The following AOAH variants were observed in gnomAD, a reference collection of about 807,000 sequenced individuals.
AOAH encodes the protein acyloxyacyl hydrolase (neutrophil).
In AOAH, 64 loss-of-function variants were observed where a neutral mutation model predicts 92.2. The observed-to-expected ratio is 0.69, with a 90% CI of 0.57 to 0.86. AOAH has a LOEUF of 0.86. Ranked by LOEUF, AOAH falls within the 40% of genes least tolerant of loss-of-function variation. The pLI, the probability that AOAH is intolerant of heterozygous loss-of-function variation, is 0.00. For synonymous variants in AOAH, 263 were observed against 254.5 expected, an observed-to-expected ratio of 1.03 and a Z score of -0.32; for missense variants, 656 against 694.6, an observed-to-expected ratio of 0.94 and a Z score of 0.62.
At chr7:36,639,830 C>T (rs1345202365) in intron 4 of AOAH, among the ~76,000 whole-genome samples, 1 of 152,210 alleles carries the variant, frequency 6.6e-6, no homozygotes, top group Non-Finnish European at 1.5e-5. Context: ...CCAGAGCTTT[C>T]TCCCTGGCAA....
intron 16 of AOAH, among the ~76,000 whole-genome samples, chr7:36,537,578 G>C (rs1229847012): frequency 6.7e-6 from 1 of 148,472 alleles, no homozygotes; most frequent in Non-Finnish European, 1.5e-5. Context: ...GAGGGCAATG[G>C]TGTGATCTCA....
At chr7:36,580,687 CA>C (rs1788870932) in intron 12 of AOAH, among the ~76,000 whole-genome samples, 1 of 152,076 alleles carries the variant, frequency 6.6e-6, no homozygotes, top group Non-Finnish European at 1.5e-5. Context: ...AACTAGTTGC[CA>C]GCTAAAAAGC....
chr7:36,693,487 A>G (rs1262791922), intron 1 of AOAH, among the ~76,000 whole-genome samples: 1 of 151,598 alleles, frequency 6.6e-6, no homozygotes, highest in East Asian at 1.9e-4. Flanking sequence ...TTCTTCTTCA[A>G]CCACAGAATT....
chr7:36,688,973 A>G (rs1797220621), intron 1 of AOAH, among the ~76,000 whole-genome samples: 1 of 152,210 alleles, frequency 6.6e-6, no homozygotes, highest in Admixed American at 6.5e-5. Flanking sequence ...ATATAGATAT[A>G]TATGAGATGA....
rs375265698 is a variant in AOAH, at chr7:36,620,855, C to T, written c.654-26G>A. 6 of 1,609,646 alleles carry T rather than the reference C, an allele frequency of 3.7e-6. No homozygotes were observed. The African/African-American group carries it at 8.0e-5, about 22-fold the overall frequency. On this transcript the variant is annotated intron_variant, in intron 8 of 20. Transcript: ENST00000617537. Reference sequence around the variant, plus strand: ...CTAAGAAAAAAACATTAACATTGGTCTTTGACATATGCTTGTCTCTCAGTG... The same window carrying T: ...CTAAGAAAAAAACATTAACATTGGTTTTTGACATATGCTTGTCTCTCAGTG...
At chr7:36,687,485 A>G (rs1315047216) in intron 1 of AOAH, among the ~76,000 whole-genome samples, 1 of 151,970 alleles carries the variant, frequency 6.6e-6, no homozygotes, top group Admixed American at 6.6e-5. Context: ...TGACATTCCT[A>G]GAAGATTCTA....
At position 36,655,076 on chromosome 7, in the gene AOAH, G is replaced by A. The variant is rs116882036; in HGVS notation, c.390+4090C>T. Among the ~76,000 whole-genome samples the A allele has an allele frequency of 2.2e-3, 340 of 152,288 alleles. 2 individuals carry two copies. The highest frequency in any genetic ancestry group is 3.7e-3 in the Non-Finnish European group (250 of 68,026). On this transcript the variant is annotated intron_variant, in intron 4 of 20. Coordinates refer to ENST00000617537, the MANE Select transcript of AOAH (RefSeq NM_001637.4). ...AAGTAAGTATGTGCCTGGCATGGTG[G>A]AGAGAACAAAGACAGACAGGCAAGG...
chr7:36,549,913 C>T (rs553287297), intron 13 of AOAH, among the ~76,000 whole-genome samples: 1 of 152,294 alleles, frequency 6.6e-6, no homozygotes, highest in South Asian at 2.1e-4. Context: ...TTAATCTCCT[C>T]CTATTATTCT....
chr7:36,552,053 TTTTTA>T (rs1583797689), intron 13 of AOAH, among the ~76,000 whole-genome samples: 2 of 152,166 alleles, frequency 1.3e-5, no homozygotes, highest in African/African-American at 4.8e-5. Flanking sequence ...TTTTCTTTAT[TTTTTA>T]TTTTAAGTTC....
At chr7:36,625,107 A>T (rs1476332719) in intron 6 of AOAH, among the ~76,000 whole-genome samples, 2 of 152,056 alleles carry the variant, frequency 1.3e-5, no homozygotes, top group African/African-American at 4.8e-5. Context: ...GGACCTAATG[A>T]AGAGGGAGCT....
At chr7:36,520,807 A>G (rs578041806) in intron 20 of AOAH, among the ~76,000 whole-genome samples, 1 of 152,314 alleles carries the variant, frequency 6.6e-6, no homozygotes, top group South Asian at 2.1e-4. Flanking sequence ...TTTAACCAGA[A>G]TCTAGCCAAT....
At chr7:36,630,361 G>GTAAT (rs1259439623) in intron 6 of AOAH, among the ~76,000 whole-genome samples, 2 of 152,246 alleles carry the variant, frequency 1.3e-5, no homozygotes, top group Non-Finnish European at 1.5e-5. Flanking sequence ...ACAGGCTAAA[G>GTAAT]TAATAGGAGC....
intron 1 of AOAH, among the ~76,000 whole-genome samples, chr7:36,711,921 C>A (rs2116970373): frequency 1.3e-5 from 2 of 152,252 alleles, no homozygotes; most frequent in South Asian, 4.1e-4. Flanking sequence ...ACGGGTAAGT[C>A]CTCCTGGAGA....
At chr7:36,587,173 G>A (rs1175052647) in intron 12 of AOAH, among the ~76,000 whole-genome samples, 1 of 150,168 alleles carries the variant, frequency 6.7e-6, no homozygotes, top group African/African-American at 2.5e-5. Flanking sequence ...TCGGGAGGCT[G>A]AGACAGGAGA....
chr7:36,533,154 C>T (rs1784798113), intron 16 of AOAH, among the ~76,000 whole-genome samples: 1 of 152,066 alleles, frequency 6.6e-6, no homozygotes, highest in South Asian at 2.1e-4. Context: ...CACCGCTCCA[C>T]CCCGCTTCCA....
At chr7:36,598,236 C>G (rs1790280861) in intron 11 of AOAH, 1 of 152,204 alleles carries the variant, frequency 6.6e-6, no homozygotes, top group Admixed American at 6.5e-5. Flanking sequence ...AGGATTTCAG[C>G]TGGAGTGGAC....
At chr7:36,559,147 A>G (rs1787065080) in intron 13 of AOAH, among the ~76,000 whole-genome samples, 1 of 152,024 alleles carries the variant, frequency 6.6e-6, no homozygotes, top group Non-Finnish European at 1.5e-5. Flanking sequence ...TATTCAATCC[A>G]CTGTTATGGG....
chr7:36,589,886 G>T (rs1032450697), intron 12 of AOAH, among the ~76,000 whole-genome samples: 5 of 152,014 alleles, frequency 3.3e-5, no homozygotes, highest in African/African-American at 1.2e-4. Context: ...TATATGAATT[G>T]CTTTGGAAAG....
intron 11 of AOAH, among the ~76,000 whole-genome samples, chr7:36,604,814 T>C (rs1255593558): frequency 5.3e-5 from 8 of 152,250 alleles, no homozygotes; most frequent in Non-Finnish European, 1.0e-4. Context: ...TGACCACAGC[T>C]GAGCCCATAT....
Sources: allele counts gnomAD v4.1 joint callset (sites outside exome capture counted in the v4.1 genomes callset), GRCh38; gene constraint gnomAD v4.1.1; transcripts MANE v1.5; gene names NCBI Gene and HGNC (gene_info 2026-07-23, HGNC 2026-07-21).